The following FGF12 variants were observed in gnomAD, a reference collection of about 807,000 sequenced individuals.
The protein encoded by FGF12 is fibroblast growth factor 12.
Under a neutral mutation model 23.6 loss-of-function variants are expected in FGF12, and 14 were observed. The observed-to-expected ratio is 0.59, with a 90% confidence interval of 0.39 to 0.93. The LOEUF (loss-of-function observed/expected upper bound fraction) is 0.93. Among genes scored for constraint, FGF12 ranks in the 40% least tolerant of loss-of-function variants. FGF12 has a pLI of 0.00. For missense variants in FGF12, 175 were observed against 217.8 expected, an observed-to-expected ratio of 0.80 and a Z score of 1.24; for synonymous variants, 62 against 77.3, an observed-to-expected ratio of 0.80 and a Z score of 1.04.
chr3:192,311,658 C>T (rs1035722109), intron 4 of FGF12, among the ~76,000 whole-genome samples: 4 of 152,164 alleles, frequency 2.6e-5, no homozygotes, highest in Non-Finnish European at 4.4e-5. Flanking sequence ...CTTGGGTACA[C>T]ATCTAGCCGT....
At chr3:192,221,607 A>G (rs1362667782) in intron 4 of FGF12, among the ~76,000 whole-genome samples, 1 of 152,132 alleles carries the variant, frequency 6.6e-6, no homozygotes, top group Non-Finnish European at 1.5e-5. Context: ...AAATATCTAC[A>G]TTTTGGACGA....
chr3:192,658,405 T>C (rs1376959713), intron 2 of FGF12, among the ~76,000 whole-genome samples: 4 of 152,172 alleles, frequency 2.6e-5, no homozygotes, highest in African/African-American at 4.8e-5. Context: ...TTCCCTTGGG[T>C]ACCTAAATGC....
At chr3:192,263,796 A>C (rs1712907303) in intron 4 of FGF12, among the ~76,000 whole-genome samples, 1 of 152,126 alleles carries the variant, frequency 6.6e-6, no homozygotes, top group Admixed American at 6.6e-5. Context: ...AAACTCCAGT[A>C]AGACATTACT....
chr3:192,303,119 A>G (rs555243150), intron 4 of FGF12, among the ~76,000 whole-genome samples: 3 of 152,364 alleles, frequency 2.0e-5, no homozygotes, highest in South Asian at 4.1e-4. Flanking sequence ...CAATTTTCCA[A>G]TAGAGCTGGA....
chr3:192,639,158 C>T (rs1261547904), intron 2 of FGF12, among the ~76,000 whole-genome samples: 1 of 152,104 alleles, frequency 6.6e-6, no homozygotes, highest in Non-Finnish European at 1.5e-5. Context: ...ATAGACATTT[C>T]TCCAAAGAAG....
At chr3:192,459,209 T>C (rs184998367) in intron 2 of FGF12, among the ~76,000 whole-genome samples, 144 of 152,344 alleles carry the variant, frequency 9.5e-4, no homozygotes, top group African/African-American at 3.1e-3. Context: ...TAGAATTCCA[T>C]AGCAATTCAG....
At chr3:192,512,835 A>AATATATATGTATATATATATATATATAT (rs1724523703) in intron 2 of FGF12, among the ~76,000 whole-genome samples, 1 of 76,778 alleles carries the variant, frequency 1.3e-5, no homozygotes, top group African/African-American at 6.4e-5. Context: ...TACTCAAATA[A>AATATATATGTATATATATATATATATAT]ATATATATAT....
intron 2 of FGF12, among the ~76,000 whole-genome samples, chr3:192,395,782 G>T (rs184338231): frequency 1.6e-4 from 24 of 152,334 alleles, no homozygotes; most frequent in Non-Finnish European, 2.6e-4. Flanking sequence ...GAAGAGATGG[G>T]AGTTGAGCTG....
chr3:192,361,960 G>A (rs1718747315), intron 2 of FGF12, among the ~76,000 whole-genome samples: 1 of 152,194 alleles, frequency 6.6e-6, no homozygotes, highest in Admixed American at 6.6e-5. Context: ...TAATAGATAT[G>A]TATTATCTTT....
chr3:192,583,863 G>C (rs1713261169), intron 2 of FGF12, among the ~76,000 whole-genome samples: 1 of 152,046 alleles, frequency 6.6e-6, no homozygotes, highest in Non-Finnish European at 1.5e-5. Flanking sequence ...CTTTTTCTCT[G>C]TTAATTTAAA....
In FGF12 at chr3:192,141,814, A is replaced by T. The variant is rs1713406094; in HGVS notation, c.*2195T>A. ...GTTTTACTGATGAGTGTGTATGTGT[A>T]TCATCACTACAAAAGCTCAAGTCAT... On this transcript the variant is annotated 3_prime_UTR_variant, in exon 6 of 6. Transcript: ENST00000445105. 7.5e-6 allele frequency: 1 copy of T among 132,456 alleles called. No individual in the cohort carries two copies. The highest frequency in any genetic ancestry group is 2.6e-5 in the African/African-American group (1 of 37,756). The allele number at this position is 132,456 out of a possible 1,614,324, so 8.2% of individuals were successfully genotyped here. A position where few individuals can be genotyped will look rare whatever the true frequency, so the allele number is the denominator to read the frequency against.
At chr3:192,289,126 C>A (rs929137820) in intron 4 of FGF12, among the ~76,000 whole-genome samples, 1 of 152,116 alleles carries the variant, frequency 6.6e-6, no homozygotes, top group Non-Finnish European at 1.5e-5. Flanking sequence ...ATGATTTGAT[C>A]AGCCTCTGAC....
At chr3:192,329,797 C>T (rs1383338167) in intron 4 of FGF12, among the ~76,000 whole-genome samples, 2 of 152,204 alleles carry the variant, frequency 1.3e-5, no homozygotes, top group African/African-American at 4.8e-5. Flanking sequence ...TTTTAAAAGG[C>T]ACTGTCTATG....
At position 192,170,462 on chromosome 3, in the gene FGF12, A is replaced by G; in HGVS notation, c.423T>C (p.Ile141=). 1.2e-6 allele frequency: 2 copies of G among 1,613,864 alleles called. No homozygotes were observed. The highest frequency in any genetic ancestry group is 1.7e-6 in the Non-Finnish European group (2 of 1,179,854). The change falls in exon 5 of 6, where the codon ATT becomes ATC. Residue 141 remains isoleucine, a synonymous_variant. Coordinates refer to ENST00000445105, the MANE Select transcript of FGF12 (RefSeq NM_004113.6). ...GACAGTCAGTTGGTTTCATACCTTC[A>G]ATAGGTTTCGGTACAAAATGTGATG... ...KPSSHFVPKP[I]EVCMYREPSL... is the part of the protein sequence containing the mutation.
rs190260823 is a variant in FGF12, at chr3:192,696,072, C to T, written c.13+31109G>A. On this transcript the variant is annotated intron_variant, in intron 2 of 5. Coordinates refer to ENST00000445105, the MANE Select transcript of FGF12 (RefSeq NM_004113.6). ...TGAGATCTCACTACTGCACTCCAAC[C>T]TGGGTGACGGAGAAAGATTCTGTTT... 6.6e-3 allele frequency among the ~76,000 whole-genome samples: 1,009 copies of T among 152,186 alleles called. 6 individuals carry two copies. Among genetic ancestry groups the T allele is most frequent in the Non-Finnish European group, 0.012 (784 of 68,006 alleles).
intron 4 of FGF12, among the ~76,000 whole-genome samples, chr3:192,242,674 T>C (rs1345257685): frequency 1.3e-5 from 2 of 152,042 alleles, no homozygotes; most frequent in East Asian, 3.9e-4. Context: ...ATATATGAAT[T>C]ACCAAAGGAG....
intron 2 of FGF12, among the ~76,000 whole-genome samples, chr3:192,636,396 G>C (rs940561341): frequency 1.3e-5 from 2 of 152,164 alleles, no homozygotes; most frequent in Non-Finnish European, 2.9e-5. Flanking sequence ...CCAGACAGAG[G>C]ACATTTCCAT....
At chr3:192,274,149 AAAGAT>A (rs1367958634) in intron 4 of FGF12, among the ~76,000 whole-genome samples, 1 of 152,204 alleles carries the variant, frequency 6.6e-6, no homozygotes, top group African/African-American at 2.4e-5. Context: ...TAGAGTTAAT[AAAGAT>A]TATTTGCTAT....
chr3:192,196,371 C>A (rs943400002), intron 4 of FGF12, among the ~76,000 whole-genome samples: 1 of 152,000 alleles, frequency 6.6e-6, no homozygotes, highest in Non-Finnish European at 1.5e-5. Flanking sequence ...TTTTTTAATT[C>A]CTTGGGCAAA....
Sources: allele counts gnomAD v4.1 joint callset (sites outside exome capture counted in the v4.1 genomes callset), GRCh38; gene constraint gnomAD v4.1.1; transcripts MANE v1.5; gene names NCBI Gene and HGNC (gene_info 2026-07-23, HGNC 2026-07-21).